PCDHGA6: variants seen among roughly 807,000 people sequenced by gnomAD.
PCDHGA6 encodes the protein protocadherin gamma-A6.
A neutral mutation model predicts 60.6 loss-of-function variants in PCDHGA6; 41 were observed. The ratio of observed to expected loss-of-function variants is 0.68; its 90% CI spans 0.53 to 0.88. The LOEUF is 0.88. Ranked by LOEUF, PCDHGA6 falls within the 40% of genes least tolerant of loss-of-function variation. PCDHGA6 has a pLI of 0.00. For missense variants in PCDHGA6, 1,312 were observed against 1,203.0 expected (o/e 1.09, Z -1.34); for synonymous variants, 594 against 524.4 (o/e 1.13, Z -1.81).
At chr5:141,404,123 T>A (rs1477938356) in intron 1 of PCDHGA6, 4 of 1,613,394 alleles carry the variant, frequency 2.5e-6, no homozygotes, top group Admixed American at 1.7e-5. Context: ...GGAGAATCTA[T>A]CTTTTACATT....
chr5:141,478,560 A>G, intron 1 of PCDHGA6: 1 of 1,598,736 alleles, frequency 6.3e-7, no homozygotes, highest in Non-Finnish European at 8.5e-7. Flanking sequence ...AGGTTTAGCA[A>G]GTCATGCTTG....
At position 141,481,468 on chromosome 5, in the gene PCDHGA6, G is replaced by A. The variant is rs575259839; in HGVS notation, c.2425-13339G>A. Among the ~76,000 whole-genome samples the A allele has an allele frequency of 2.6e-5, 4 of 152,332 alleles. No homozygotes were observed. In the South Asian group the frequency reaches 8.3e-4, roughly 32 times the overall value. On this transcript the variant is annotated intron_variant, in intron 1 of 3. Transcript: ENST00000517434. Reference sequence around the variant, plus strand: ...CATGTAAATACACTGAAAACCATTGGATTATACACTTTAAATATGTGATTT... The same window carrying A: ...CATGTAAATACACTGAAAACCATTGAATTATACACTTTAAATATGTGATTT...
chr5:141,475,542 G>A (rs1182059354), intron 1 of PCDHGA6, among the ~76,000 whole-genome samples: 1 of 152,174 alleles, frequency 6.6e-6, no homozygotes, highest in East Asian at 1.9e-4. Flanking sequence ...TTACAAGTAG[G>A]GTCCGGCTAA....
intron 1 of PCDHGA6, chr5:141,400,271 C>G: frequency 1.2e-6 from 2 of 1,614,094 alleles, no homozygotes; most frequent in Non-Finnish European, 1.7e-6. Flanking sequence ...CGACGCTCCT[C>G]CAGCCCTGCC....
chr5:141,399,143 A>G (rs750976328), intron 1 of PCDHGA6: 12 of 1,613,780 alleles, frequency 7.4e-6, no homozygotes, highest in Admixed American at 3.3e-5. Context: ...GAAAATGACA[A>G]TAGCCCAGAA....
At chr5:141,404,396 A>C (rs2094523935) in intron 1 of PCDHGA6, 2 of 1,613,816 alleles carry the variant, frequency 1.2e-6, no homozygotes, top group Non-Finnish European at 1.7e-6. Context: ...CCCTGATAGC[A>C]ATGAGAATTC....
In PCDHGA6 at chr5:141,487,574, C is replaced by T. The variant is rs753979217; in HGVS notation, c.2425-7233C>T. ...TGCACCTATGGCAGGGGAGCCTGTTCGCCCAAGCTGCCCACCCTCTGATCT... is the reference window on the plus strand; with the variant it reads ...TGCACCTATGGCAGGGGAGCCTGTTTGCCCAAGCTGCCCACCCTCTGATCT... On this transcript the variant is annotated intron_variant, in intron 1 of 3. Transcript: ENST00000517434. This position sits in a 1 kb window ranked among gnomAD's most constrained non-coding sequence, Gnocchi z 5.0. 1.2e-5 allele frequency: 20 copies of T among 1,614,040 alleles called. 1 individual carries two copies. The highest frequency in any genetic ancestry group is 8.9e-5 in the East Asian group (4 of 44,870).
At chr5:141,407,524 C>CT (rs2094949017) in intron 1 of PCDHGA6, among the ~76,000 whole-genome samples, 1 of 146,696 alleles carries the variant, frequency 6.8e-6, no homozygotes, top group Admixed American at 6.8e-5. Flanking sequence ...TAGGACTTAA[C>CT]TTATTGTGCA....
chr5:141,489,287 T>C lies in PCDHGA6; in HGVS notation c.2425-5520T>C. 1 of 1,573,410 alleles carries C rather than the reference T, an allele frequency of 6.4e-7. No individual in the cohort carries two copies. Among genetic ancestry groups the C allele is most frequent in the Non-Finnish European group, 8.6e-7 (1 of 1,159,858 alleles). ...CAGCTCGCTGGGAAATGGCAAGTGC[T>C]GTGCATGTTGTCCTTGTGCTGCTGG... On this transcript the variant is annotated intron_variant, in intron 1 of 3. Transcript: ENST00000517434. The surrounding 1 kb of genome is among the most constrained non-coding windows in gnomAD (Gnocchi z 4.5).
At chr5:141,497,719 T>C (rs1311566820) in intron 2 of PCDHGA6, among the ~76,000 whole-genome samples, 2 of 152,076 alleles carry the variant, frequency 1.3e-5, no homozygotes, top group Non-Finnish European at 2.9e-5. Context: ...TTTGTATTTT[T>C]AGTAGAGATG....
chr5:141,391,230 G>C (rs2092321546), intron 1 of PCDHGA6: 1 of 152,026 alleles, frequency 6.6e-6, no homozygotes, highest in Non-Finnish European at 1.5e-5. Flanking sequence ...TGAGCCTTTT[G>C]CTAGGTATAT....
chr5:141,491,312 C>T lies in PCDHGA6; in HGVS notation c.2425-3495C>T, dbSNP rs749198887. The stretch of plus-strand genomic sequence containing the variant: ...CACCCTCCTGAGCGTTCAGACCTTA[C>T]CCTTTACCTCATTGTGGCTCTAGCG... On this transcript the variant is annotated intron_variant, in intron 1 of 3. Transcript: ENST00000517434. The surrounding 1 kb of genome is among the most constrained non-coding windows in gnomAD (Gnocchi z 6.9). 3 of 1,614,170 alleles carry T rather than the reference C, an allele frequency of 1.9e-6. No individual in the cohort carries two copies. Among genetic ancestry groups the T allele is most frequent in the East Asian group, 4.5e-5 (2 of 44,878 alleles).
intron 1 of PCDHGA6, chr5:141,378,627 TG>T (rs1588860853): frequency 6.6e-6 from 1 of 152,240 alleles, no homozygotes; most frequent in Admixed American, 6.5e-5. Context: ...GATGACTGAC[TG>T]GTGAATGGGA....
intron 1 of PCDHGA6, chr5:141,387,903 G>A: frequency 6.6e-7 from 1 of 1,506,982 alleles, no homozygotes; most frequent in African/African-American, 1.4e-5. Context: ...CGGCGCCGGG[G>A]AGCTGGGCCG....
intron 1 of PCDHGA6, chr5:141,417,508 TATTTTGGCTGTCAACTCGTAG>T: frequency 4.2e-6 from 1 of 237,898 alleles, no homozygotes; most frequent in East Asian, 9.1e-5. Flanking sequence ...AAGATTAAAA[TATTTTGGCTGTCAACTCGTAG>T]TTTAAAAAAA....
chr5:141,395,400 G>C, intron 1 of PCDHGA6: 1 of 859,976 alleles, frequency 1.2e-6, no homozygotes, highest in Non-Finnish European at 1.7e-6. Context: ...AACTCTAATA[G>C]TCATAGGTTA....
chr5:141,497,986 G>T (rs1404550601), intron 2 of PCDHGA6, among the ~76,000 whole-genome samples: 1 of 152,176 alleles, frequency 6.6e-6, no homozygotes, highest in Non-Finnish European at 1.5e-5. Context: ...GGAGGCCCCT[G>T]CCCTCAAGGA....
chr5:141,374,076 A>AGCCAGTAATGGCGCCTCCGCAGAGGC lies in PCDHGA6; in HGVS notation c.-7_19dup, dbSNP rs1770087883. ...CTTAATCCCAGAGAAGTTCCTAATAAGCCAGTAATGGCGCCTCCGCAGAGG... is the reference window on the plus strand; with the variant it reads ...CTTAATCCCAGAGAAGTTCCTAATAAGCCAGTAATGGCGCCTCCGCAGAGGCGCCAGTAATGGCGCCTCCGCAGAGG... On this transcript the variant is annotated 5_prime_UTR_variant, in exon 1 of 4. It adds an upstream start codon to the 5' untranslated region. Coordinates refer to ENST00000517434, the MANE Select transcript of PCDHGA6 (RefSeq NM_018919.3). 6.6e-7 allele frequency: 1 copy of AGCCAGTAATGGCGCCTCCGCAGAGGC among 1,514,538 alleles called. No homozygotes were observed. The highest frequency in any genetic ancestry group is 8.8e-7 in the Non-Finnish European group (1 of 1,133,070). 93.8% of individuals were successfully genotyped at this position (1,514,538 alleles called of 1,614,324 possible).
intron 1 of PCDHGA6, chr5:141,427,749 A>G (rs770208196): frequency 4.6e-6 from 6 of 1,299,142 alleles, no homozygotes; most frequent in South Asian, 2.4e-5. Context: ...CTCCTACTCC[A>G]TCGTTACCAC....
Sources: allele counts gnomAD v4.1 joint callset (sites outside exome capture counted in the v4.1 genomes callset), GRCh38; gene constraint gnomAD v4.1.1; non-coding constraint Gnocchi (gnomAD v3.1); transcripts MANE v1.5; gene names NCBI Gene and HGNC (gene_info 2026-07-23, HGNC 2026-07-21).